CABLES1: variants seen among roughly 807,000 people sequenced by gnomAD.
The protein encoded by CABLES1 is Cdk5 and Abl enzyme substrate 1.
In CABLES1, 36 loss-of-function variants were observed where a neutral mutation model predicts 57.8. The observed-to-expected ratio is 0.62, with a 90% confidence interval of 0.48 to 0.82. CABLES1 has a LOEUF of 0.82. Among genes scored for constraint, CABLES1 ranks in the 40% least tolerant of loss-of-function variants. The pLI is 0.00. For missense variants in CABLES1, 767 were observed against 836.6 expected, an observed-to-expected ratio of 0.92 and a Z score of 1.03; for synonymous variants, 374 against 363.0, an observed-to-expected ratio of 1.03 and a Z score of -0.35.
chr18:23,207,271 G>A (rs560595249), intron 3 of CABLES1, among the ~76,000 whole-genome samples: 21 of 152,338 alleles, frequency 1.4e-4, no homozygotes, highest in African/African-American at 4.8e-4. Flanking sequence ...AGGGGTGTTG[G>A]TCAAAGCGTT....
intron 1 of CABLES1, among the ~76,000 whole-genome samples, chr18:23,159,108 G>T (rs780156259): frequency 6.6e-6 from 1 of 152,216 alleles, no homozygotes; most frequent in Non-Finnish European, 1.5e-5. Flanking sequence ...TGGGATTACA[G>T]GGGCACACCA....
At chr18:23,201,363 T>C (rs1036711544) in intron 3 of CABLES1, among the ~76,000 whole-genome samples, 1 of 152,148 alleles carries the variant, frequency 6.6e-6, no homozygotes, top group Non-Finnish European at 1.5e-5. Flanking sequence ...GTCCCATCTG[T>C]GGTGTTGCCA....
intron 1 of CABLES1, among the ~76,000 whole-genome samples, chr18:23,170,000 C>T (rs899591833): frequency 2.6e-5 from 4 of 152,172 alleles, no homozygotes; most frequent in African/African-American, 9.7e-5. Flanking sequence ...TAGGATTGCC[C>T]AGCAATGCCC....
At chr18:23,198,986 A>G (rs1181141252) in intron 3 of CABLES1, among the ~76,000 whole-genome samples, 1 of 152,266 alleles carries the variant, frequency 6.6e-6, no homozygotes, top group East Asian at 1.9e-4. Flanking sequence ...ATCAGATTGC[A>G]AAGTTCATTG....
chr18:23,139,573 A>G (rs538068336), intron 1 of CABLES1, among the ~76,000 whole-genome samples: 7 of 152,338 alleles, frequency 4.6e-5, no homozygotes, highest in Non-Finnish European at 7.3e-5. Flanking sequence ...GCCTTGGCAC[A>G]AGGTGCACAG....
At chr18:23,209,316 G>T (rs1269592980) in intron 3 of CABLES1, among the ~76,000 whole-genome samples, 4 of 152,144 alleles carry the variant, frequency 2.6e-5, no homozygotes, top group Admixed American at 1.3e-4. Flanking sequence ...CATCCCCTGG[G>T]GGTTTTGGAA....
chr18:23,234,777 G>C, intron 5 of CABLES1, 73 bp downstream of exon 5: 14 of 1,186,568 alleles, frequency 1.2e-5, no homozygotes, highest in South Asian at 6.7e-5. Flanking sequence ...GAGGGGGGCA[G>C]CCCACAAGCC....
At chr18:23,174,804 G>T (rs7407497) in intron 1 of CABLES1, among the ~76,000 whole-genome samples, 1 of 97,698 alleles carries the variant, frequency 1.0e-5, no homozygotes, top group Non-Finnish European at 2.1e-5. Context: ...TAATTTGTAT[G>T]TATATACATG....
At chr18:23,232,809 A>G (rs979680275) in intron 4 of CABLES1, among the ~76,000 whole-genome samples, 1 of 152,194 alleles carries the variant, frequency 6.6e-6, no homozygotes, top group Non-Finnish European at 1.5e-5. Context: ...AGGATAAGGG[A>G]GCCGGCTCAT....
At chr18:23,245,734 CCTT>C (rs1324038628) in intron 7 of CABLES1, among the ~76,000 whole-genome samples, 1 of 152,228 alleles carries the variant, frequency 6.6e-6, no homozygotes, top group Admixed American at 6.5e-5. Context: ...TTCCATCTGA[CCTT>C]CTCCTTTCCC....
At chr18:23,208,777 G>A (rs1598830647) in intron 3 of CABLES1, among the ~76,000 whole-genome samples, 1 of 152,168 alleles carries the variant, frequency 6.6e-6, no homozygotes, top group Non-Finnish European at 1.5e-5. Context: ...CTGGAAGCGC[G>A]GGGGCCATGT....
chr18:23,203,482 A>G (rs1033416592), intron 3 of CABLES1, among the ~76,000 whole-genome samples: 2 of 151,924 alleles, frequency 1.3e-5, no homozygotes, highest in Non-Finnish European at 2.9e-5. Context: ...AGAAAGAAAC[A>G]CGTTAAAAGA....
intron 1 of CABLES1, among the ~76,000 whole-genome samples, chr18:23,183,813 G>A (rs1262098555): frequency 6.6e-6 from 1 of 152,222 alleles, no homozygotes; most frequent in East Asian, 1.9e-4. Context: ...TAAGGAGTTT[G>A]CATAGTAATG....
chr18:23,169,127 G>A (rs1450544851), intron 1 of CABLES1, among the ~76,000 whole-genome samples: 3 of 152,118 alleles, frequency 2.0e-5, no homozygotes, highest in East Asian at 1.9e-4. Flanking sequence ...TCCCACCAGC[G>A]CCATGACAGT....
chr18:23,138,962 A>G (rs956219983), intron 1 of CABLES1, among the ~76,000 whole-genome samples: 3 of 152,238 alleles, frequency 2.0e-5, no homozygotes, highest in African/African-American at 7.2e-5. Context: ...ACGTGAGTCC[A>G]GATCTGCAGT....
At chr18:23,242,027 G>A (rs2047748255) in intron 7 of CABLES1, among the ~76,000 whole-genome samples, 1 of 152,176 alleles carries the variant, frequency 6.6e-6, no homozygotes, top group Non-Finnish European at 1.5e-5. Context: ...TGTAATCCCT[G>A]CACTTTGGAA....
intron 1 of CABLES1, among the ~76,000 whole-genome samples, chr18:23,138,585 G>T (rs570710907): frequency 1.3e-5 from 2 of 152,356 alleles, no homozygotes; most frequent in South Asian, 2.1e-4. Context: ...CTGCAGACTT[G>T]AAATATCCCA....
intron 3 of CABLES1, among the ~76,000 whole-genome samples, chr18:23,206,188 C>T (rs749960520): frequency 2.6e-4 from 40 of 152,170 alleles, no homozygotes; most frequent in African/African-American, 6.0e-4. Context: ...AGACCCTCCT[C>T]GCTCCTCATC....
intron 1 of CABLES1, among the ~76,000 whole-genome samples, chr18:23,151,773 A>G (rs959063069): frequency 2.0e-5 from 3 of 152,180 alleles, no homozygotes; most frequent in Non-Finnish European, 2.9e-5. Context: ...AAGGGCTAGA[A>G]GGATTGGGGC....
Sources: gnomAD v4.1 joint callset for allele counts (sites outside exome capture counted in the v4.1 genomes callset) on GRCh38, gnomAD v4.1.1 for gene constraint, MANE v1.5 for transcripts, NCBI Gene and HGNC (gene_info 2026-07-23, HGNC 2026-07-21) for gene names.